IYD: variants seen among roughly 807,000 people sequenced by gnomAD.
The protein encoded by IYD is iodotyrosine deiodinase 1.
Under a neutral mutation model 28.4 loss-of-function variants are expected in IYD, and 25 were observed. The observed-to-expected ratio is 0.88, with a 90% confidence interval of 0.64 to 1.23. IYD has a LOEUF of 1.23. Among genes scored for constraint, IYD ranks in the 50% most tolerant of loss-of-function variants. The pLI is 0.00. For synonymous variants in IYD, 140 were observed against 130.8 expected (o/e 1.07, Z -0.48); for missense variants, 352 against 357.9 (o/e 0.98, Z 0.13).
intron 1 of IYD, among the ~76,000 whole-genome samples, chr6:150,376,973 A>G (rs1777466708): frequency 6.6e-6 from 1 of 152,156 alleles, no homozygotes; most frequent in South Asian, 2.1e-4. Context: ...GCGAAATTCC[A>G]GAAAGAGTCT....
rs2115067999 is a variant in IYD, at chr6:150,399,542, A to G, written c.*1305A>G. The G allele has an allele frequency of 6.6e-6, 1 of 152,310 alleles. No homozygotes were observed. 9.4% of individuals were successfully genotyped at this position (152,310 alleles called of 1,614,324 possible). Reference sequence around the variant, plus strand: ...ACTCTTACAGCTTGGATGATTTCTCATCAAGCAACTCTACTCACCTCTTTT... The same window carrying G: ...ACTCTTACAGCTTGGATGATTTCTCGTCAAGCAACTCTACTCACCTCTTTT... On this transcript the variant is annotated 3_prime_UTR_variant, in exon 5 of 5. Transcript: ENST00000344419.
intron 1 of IYD, among the ~76,000 whole-genome samples, chr6:150,376,243 C>T (rs765066501): frequency 2.6e-4 from 39 of 152,138 alleles, no homozygotes; most frequent in Non-Finnish European, 4.7e-4. Context: ...TTCTCCTCTG[C>T]CCTCTGAAGG....
intron 1 of IYD, among the ~76,000 whole-genome samples, chr6:150,387,949 T>C (rs918120927): frequency 6.6e-6 from 1 of 152,182 alleles, no homozygotes; most frequent in Admixed American, 6.5e-5. Flanking sequence ...ATCTTCTGGG[T>C]CTGATAATTC....
chr6:150,395,787 GA>G (rs2115060061), intron 4 of IYD: 2 of 637,458 alleles, frequency 3.1e-6, no homozygotes, highest in Non-Finnish European at 5.7e-6. Flanking sequence ...TAGAGGTGGT[GA>G]TCTGATTGGA....
At position 150,388,000 on chromosome 6, in the gene IYD, A is replaced by G. The variant is rs926917761; in HGVS notation, c.179-1352A>G. On this transcript the variant is annotated intron_variant, in intron 1 of 4. Transcript: ENST00000344419. ...TTGGGCATCTGACTTTATTTTTTTA[A>G]AATTGATTCTGCTGTTTCTTGTCCA... Among the ~76,000 whole-genome samples the G allele has an allele frequency of 2.0e-5, 3 of 152,130 alleles. No individual in the cohort carries two copies. In the South Asian group the frequency reaches 6.2e-4, roughly 32 times the overall value.
intron 1 of IYD, among the ~76,000 whole-genome samples, chr6:150,383,517 A>G (rs1269089246): frequency 6.6e-6 from 1 of 152,228 alleles, no homozygotes; most frequent in African/African-American, 2.4e-5. Context: ...TATATCTTAC[A>G]AAGGATTTCA....
intron 3 of IYD, among the ~76,000 whole-genome samples, chr6:150,393,220 G>A (rs759712463): frequency 2.3e-4 from 35 of 152,194 alleles, no homozygotes; most frequent in Middle Eastern, 3.2e-3. Flanking sequence ...TATAGAGGAG[G>A]TAACAGCTCC....
At chr6:150,375,904 C>G (rs1326458001) in intron 1 of IYD, among the ~76,000 whole-genome samples, 1 of 152,112 alleles carries the variant, frequency 6.6e-6, no homozygotes, top group Non-Finnish European at 1.5e-5. Context: ...TCCTTGGTTT[C>G]TTGATTAGAA....
intron 1 of IYD, chr6:150,370,385 T>TTGTGTGTGCATGCATGAATG (rs1777197012): frequency 1.8e-6 from 1 of 543,558 alleles, no homozygotes; most frequent in Non-Finnish European, 2.3e-6. Context: ...ATGCATGAGT[T>TTGTGTGTGCATGCATGAATG]TGTGTGTGCA....
At chr6:150,393,691 C>G (rs1778205469) in intron 3 of IYD, among the ~76,000 whole-genome samples, 1 of 152,240 alleles carries the variant, frequency 6.6e-6, no homozygotes, top group Non-Finnish European at 1.5e-5. Flanking sequence ...TTACACCTTA[C>G]ATGAATGATC....
chr6:150,377,199 A>C (rs1777475618), intron 1 of IYD, among the ~76,000 whole-genome samples: 1 of 152,238 alleles, frequency 6.6e-6, no homozygotes, highest in African/African-American at 2.4e-5. Context: ...TTCAAAAAGC[A>C]GACCATAATA....
intron 1 of IYD, among the ~76,000 whole-genome samples, chr6:150,375,087 A>G (rs2115017981): frequency 6.6e-6 from 1 of 152,300 alleles, no homozygotes; most frequent in Middle Eastern, 3.4e-3. Context: ...TAATGAAATA[A>G]TCCATCTATA....
chr6:150,370,866 G>T (rs1225612967), intron 1 of IYD, among the ~76,000 whole-genome samples: 3 of 152,174 alleles, frequency 2.0e-5, no homozygotes, highest in African/African-American at 7.2e-5. Context: ...AGCTTAAAGG[G>T]GAAGATGTTG....
chr6:150,383,293 G>A (rs563881735), intron 1 of IYD, among the ~76,000 whole-genome samples: 7 of 152,238 alleles, frequency 4.6e-5, no homozygotes, highest in African/African-American at 1.7e-4. Flanking sequence ...GGGCTGTCAA[G>A]TCTCCATGGG....
rs1778579752 is a variant in IYD, at chr6:150,403,967, C to T, written c.*5730C>T. The T allele has an allele frequency of 6.6e-6, 1 of 152,104 alleles. No individual in the cohort carries two copies. Among genetic ancestry groups the T allele is most frequent in the Non-Finnish European group, 1.5e-5 (1 of 68,022 alleles). The allele number at this position is 152,104 out of a possible 1,614,324, so 9.4% of individuals were successfully genotyped here. A position where few individuals can be genotyped will look rare whatever the true frequency, so the allele number is the denominator to read the frequency against. On this transcript the variant is annotated 3_prime_UTR_variant, in exon 5 of 5. Coordinates refer to ENST00000344419, the MANE Select transcript of IYD (RefSeq NM_203395.3). Reference sequence around the variant, plus strand: ...CTAATAATTAAAAATAAAAATAATACTTGGGAGGTAACTGGAATAAAGGTT... The same window carrying T: ...CTAATAATTAAAAATAAAAATAATATTTGGGAGGTAACTGGAATAAAGGTT...
chr6:150,395,323 T>C, intron 4 of IYD: 1 of 1,064,054 alleles, frequency 9.4e-7, no homozygotes, highest in Admixed American at 2.4e-5. Flanking sequence ...GAGAGCTTCT[T>C]CACTATCTCA....
chr6:150,398,297 G>T lies in IYD; in HGVS notation c.*60G>T. Reference sequence around the variant, plus strand: ...GCCCCTGCTTTTCCCTGAGCCTCTCGCCTGCTCCTCTTGGGTCTCTTGGCT... The same window carrying T: ...GCCCCTGCTTTTCCCTGAGCCTCTCTCCTGCTCCTCTTGGGTCTCTTGGCT... On this transcript the variant is annotated 3_prime_UTR_variant, in exon 5 of 5. Transcript: ENST00000344419. The T allele has an allele frequency of 1.3e-6, 2 of 1,536,382 alleles. No individual in the cohort carries two copies. Among genetic ancestry groups the T allele is most frequent in the South Asian group, 1.1e-5 (1 of 89,232 alleles).
chr6:150,385,045 G>A (rs1234424051), intron 1 of IYD: 1 of 152,126 alleles, frequency 6.6e-6, no homozygotes, highest in East Asian at 1.9e-4. Context: ...TAATGAGCTT[G>A]CAGAACTTTC....
At position 150,402,794 on chromosome 6, in the gene IYD, G is replaced by T. The variant is rs1044215086; in HGVS notation, c.*4557G>T. 1 of 152,100 alleles carries T rather than the reference G, an allele frequency of 6.6e-6. No individual in the cohort carries two copies. Among genetic ancestry groups the T allele is most frequent in the African/African-American group, 2.4e-5 (1 of 41,430 alleles). 9.4% of individuals were successfully genotyped at this position (152,100 alleles called of 1,614,324 possible). On this transcript the variant is annotated 3_prime_UTR_variant, in exon 5 of 5. Coordinates refer to ENST00000344419, the MANE Select transcript of IYD (RefSeq NM_203395.3). ...GACAGTTCAGTATTTCTTCTTATTT[G>T]CTCCTCCCTATGAAAGGAAGAGTGA... is the stretch of plus-strand genomic sequence containing the variant.
Sources: allele counts gnomAD v4.1 joint callset (sites outside exome capture counted in the v4.1 genomes callset), GRCh38; gene constraint gnomAD v4.1.1; transcripts MANE v1.5; gene names NCBI Gene and HGNC (gene_info 2026-07-23, HGNC 2026-07-21).